Variants in PARD3B observed in about 807,000 individuals in gnomAD.
PARD3B encodes partitioning defective 3 homolog B.
In PARD3B, 103 loss-of-function variants were observed where a neutral mutation model predicts 130.2. The ratio of observed to expected loss-of-function variants is 0.79; its 90% confidence interval spans 0.67 to 0.93. PARD3B has a LOEUF of 0.93. Ranked by LOEUF, PARD3B falls within the 40% of genes least tolerant of loss-of-function variation. PARD3B has a pLI of 0.00. For missense variants in PARD3B, 1,609 were observed against 1,499.2 expected (o/e 1.07, Z -1.21); for synonymous variants, 583 against 553.2 (o/e 1.05, Z -0.76).
At position 205,121,599 on chromosome 2, in the gene PARD3B, A is replaced by T. The variant is rs765099297; in HGVS notation, c.815A>T (p.Asp272Val). Residue 272 changes from aspartate (D) to valine (V), a missense_variant, in exon 8 of 23, where the codon GAT (aspartate) becomes GTT (valine). By Grantham distance (152) the Asp-to-Val change is radical. Transcript: ENST00000406610. This position sits in a 1 kb window ranked among gnomAD's most constrained non-coding sequence, Gnocchi z 5.0. ...LVDKTFAQAQDVFRQAMKSPS... is the reference protein window; with the variant it reads ...LVDKTFAQAQVVFRQAMKSPS... Reference sequence around the variant, plus strand: ...ATCAACTTTCTTTCCAGGGCTCAAGATGTCTTCCGCCAGGCAATGAAATCT... The same window carrying T: ...ATCAACTTTCTTTCCAGGGCTCAAGTTGTCTTCCGCCAGGCAATGAAATCT... 4 of 1,612,168 alleles carry T rather than the reference A, an allele frequency of 2.5e-6. No homozygotes were observed. Among genetic ancestry groups the T allele is most frequent in the Admixed American group, 1.7e-5 (1 of 59,962 alleles).
intron 15 of PARD3B, among the ~76,000 whole-genome samples, chr2:205,225,378 C>T (rs943729004): frequency 6.6e-6 from 1 of 152,046 alleles, no homozygotes; most frequent in African/African-American, 2.4e-5. Context: ...GCACCTTTTA[C>T]TATACCTGTT....
chr2:205,106,095 G>C (rs1263890392), intron 5 of PARD3B, among the ~76,000 whole-genome samples: 3 of 151,734 alleles, frequency 2.0e-5, no homozygotes, highest in Non-Finnish European at 4.4e-5. Flanking sequence ...AGGGAATTGA[G>C]AGAAATGGAG....
At chr2:205,260,420 CAG>C in intron 16 of PARD3B, among the ~76,000 whole-genome samples, 1 of 152,144 alleles carries the variant, frequency 6.6e-6, no homozygotes, top group East Asian at 1.9e-4. Flanking sequence ...CTTCTAGCTC[CAG>C]TTTAGTGTCT....
chr2:204,974,008 C>G (rs1039746350), intron 3 of PARD3B, among the ~76,000 whole-genome samples: 6 of 152,216 alleles, frequency 3.9e-5, no homozygotes, highest in African/African-American at 1.2e-4. Context: ...ATGTATTCAT[C>G]ATATGATACA....
At chr2:205,426,035 A>C (rs1353262452) in intron 19 of PARD3B, among the ~76,000 whole-genome samples, 1 of 152,318 alleles carries the variant, frequency 6.6e-6, no homozygotes, top group East Asian at 1.9e-4. Context: ...AAATTATCCC[A>C]TCAATCTAGT....
At chr2:205,353,183 C>A (rs528107628) in intron 18 of PARD3B, among the ~76,000 whole-genome samples, 1 of 152,310 alleles carries the variant, frequency 6.6e-6, no homozygotes, top group Non-Finnish European at 1.5e-5. Flanking sequence ...CCAGAAGGAA[C>A]AAATGCACAG....
intron 2 of PARD3B, among the ~76,000 whole-genome samples, chr2:204,734,366 A>T (rs1032502029): frequency 6.6e-6 from 1 of 152,344 alleles, no homozygotes. Flanking sequence ...TGACATTTTC[A>T]TAAGTTAAAC....
chr2:204,973,182 C>A (rs1691853753), intron 3 of PARD3B, among the ~76,000 whole-genome samples: 1 of 152,176 alleles, frequency 6.6e-6, no homozygotes, highest in Admixed American at 6.5e-5. Flanking sequence ...CAGAATTGCC[C>A]TCTGTTCTCT....
At chr2:205,075,683 C>CA (rs55720496) in intron 4 of PARD3B, among the ~76,000 whole-genome samples, 87 of 139,658 alleles carry the variant, frequency 6.2e-4, no homozygotes, top group African/African-American at 2.2e-3. Flanking sequence ...GCCATTCTAA[C>CA]AAAAAAAAAA....
intron 2 of PARD3B, among the ~76,000 whole-genome samples, chr2:204,695,170 C>G (rs1048737801): frequency 6.6e-6 from 1 of 151,952 alleles, no homozygotes; most frequent in African/African-American, 2.4e-5. Context: ...TTACTGGACC[C>G]AGTTCTACCA....
chr2:204,872,845 T>A (rs1235900298), intron 2 of PARD3B, among the ~76,000 whole-genome samples: 2 of 152,162 alleles, frequency 1.3e-5, no homozygotes, highest in Non-Finnish European at 2.9e-5. Context: ...TACTCTTGAG[T>A]CTTTTATTGT....
intron 18 of PARD3B, among the ~76,000 whole-genome samples, chr2:205,380,601 A>AGTATATATTATATATAATATATAAG (rs2045334015): frequency 4.4e-4 from 11 of 24,800 alleles, no homozygotes; most frequent in Non-Finnish European, 8.2e-4. Context: ...TAATATATAA[A>AGTATATATTATATATAATATATAAG]GAATATATAT....
chr2:205,038,085 A>G (rs1165395627), intron 3 of PARD3B, among the ~76,000 whole-genome samples: 2 of 152,238 alleles, frequency 1.3e-5, no homozygotes, highest in East Asian at 1.9e-4. Flanking sequence ...AGGTCACATG[A>G]TCTAGGACAT....
rs888556722 is a variant in PARD3B, at chr2:205,592,136, C to A, written c.3261-23320C>A. ...TTGCTTAGTATCATAATTCCCACTTCCGAGTGAAGAAAATAAACACAGAGA... is the reference window on the plus strand; with the variant it reads ...TTGCTTAGTATCATAATTCCCACTTACGAGTGAAGAAAATAAACACAGAGA... On this transcript the variant is annotated intron_variant, in intron 22 of 22. Coordinates refer to ENST00000406610, the MANE Select transcript of PARD3B (RefSeq NM_001302769.2). The surrounding 1 kb of genome is among the most constrained non-coding windows in gnomAD (Gnocchi z 4.5). Among the ~76,000 whole-genome samples the A allele has an allele frequency of 6.6e-6, 1 of 152,220 alleles. No homozygotes were observed. The highest frequency in any genetic ancestry group is 6.5e-5 in the Admixed American group (1 of 15,280).
chr2:205,044,836 A>C (rs1277602559), intron 3 of PARD3B, among the ~76,000 whole-genome samples: 1 of 152,086 alleles, frequency 6.6e-6, no homozygotes, highest in Non-Finnish European at 1.5e-5. Context: ...TTAAGGTGGA[A>C]CTCAGTCTCT....
Position 205,620,021 on chromosome 2 carries a change from G to A in PARD3B, c.*4208G>A, listed in dbSNP as rs1011031007. On this transcript the variant is annotated 3_prime_UTR_variant, in exon 23 of 23. Coordinates refer to ENST00000406610, the MANE Select transcript of PARD3B (RefSeq NM_001302769.2). ...TATGTGAAATCATATTTTGGCATAT[G>A]GGGGTGGAGGATGAATTCTTTACAG... The A allele has an allele frequency of 9.2e-5, 14 of 152,190 alleles. No individual in the cohort carries two copies. The highest frequency in any genetic ancestry group is 2.1e-4 in the Non-Finnish European group (14 of 68,032). The allele number at this position is 152,190 out of a possible 1,614,324, so 9.4% of individuals were successfully genotyped here.
intron 1 of PARD3B, among the ~76,000 whole-genome samples, chr2:204,563,088 G>A (rs138214987): frequency 6.6e-5 from 10 of 152,208 alleles, no homozygotes; most frequent in Admixed American, 5.2e-4. Context: ...GCAGGGCCAC[G>A]CTTCCTTCAA....
chr2:205,289,005 G>A (rs568433044), intron 16 of PARD3B, among the ~76,000 whole-genome samples: 1 of 152,288 alleles, frequency 6.6e-6, no homozygotes, highest in South Asian at 2.1e-4. Context: ...TTTGTTGATG[G>A]TGTCATGGGT....
intron 2 of PARD3B, among the ~76,000 whole-genome samples, chr2:204,813,247 AG>A (rs2043027075): frequency 6.6e-6 from 1 of 152,234 alleles, no homozygotes; most frequent in East Asian, 1.9e-4. Context: ...TCATTTTAAT[AG>A]TTGTGGGTTA....
Sources: gnomAD v4.1 joint callset for allele counts (sites outside exome capture counted in the v4.1 genomes callset) on GRCh38, gnomAD v4.1.1 for gene constraint, Gnocchi (gnomAD v3.1) non-coding constraint, MANE v1.5 for transcripts, NCBI Gene and HGNC (gene_info 2026-07-23, HGNC 2026-07-21) for gene names.